The following AKAP13 variants were observed in gnomAD, a reference collection of about 807,000 sequenced individuals.
AKAP13 encodes A-kinase anchor protein 13.
A neutral mutation model predicts 264.5 loss-of-function variants in AKAP13; 80 were observed. That is an observed-to-expected ratio of 0.30 (90% CI 0.25 to 0.36). The LOEUF is 0.36. Ranked by LOEUF, AKAP13 falls within the 10% of genes least tolerant of loss-of-function variation. The pLI, the probability that AKAP13 is intolerant of heterozygous loss-of-function variation, is 1.00. For missense variants in AKAP13, 3,712 were observed against 3,435.2 expected (o/e 1.08, Z -2.01); for synonymous variants, 1,380 against 1,250.2 (o/e 1.10, Z -2.19).
chr15:85,648,041 T>C (rs538788007), intron 10 of AKAP13, among the ~76,000 whole-genome samples: 93 of 152,224 alleles, frequency 6.1e-4, no homozygotes, highest in African/African-American at 2.2e-3. Context: ...TTTTTAATAA[T>C]ATCAGAATTT....
chr15:85,458,458 C>T (rs1361876241), intron 1 of AKAP13, among the ~76,000 whole-genome samples: 3 of 133,192 alleles, frequency 2.3e-5, no homozygotes, highest in Admixed American at 8.2e-5. Context: ...TATCACTTTA[C>T]ATTGATTAAG....
intron 8 of AKAP13, among the ~76,000 whole-genome samples, chr15:85,633,535 CTTTTTTTT>C (rs56687591): frequency 2.0e-3 from 198 of 97,774 alleles, no homozygotes; most frequent in Non-Finnish European, 2.2e-3. Context: ...CTTTTTTTTT[CTTTTTTTT>C]TTTTTTTTTT....
rs746392895 is a variant in AKAP13, at chr15:85,721,943, A to G, written c.6253-48A>G. On this transcript the variant is annotated intron_variant, in intron 23 of 36. Coordinates refer to ENST00000394518, the MANE Select transcript of AKAP13 (RefSeq NM_007200.5). The stretch of plus-strand genomic sequence containing the variant: ...TGGAAACATTTTACAAAATGGTATT[A>G]TGAGTTTGGCGCCCCATGGCATAAC... 5 of 1,607,614 alleles carry G rather than the reference A, an allele frequency of 3.1e-6. No individual in the cohort carries two copies. In the African/African-American group the frequency reaches 4.0e-5, roughly 13 times the overall value.
intron 15 of AKAP13, 160 bp from the exon 16 acceptor site, chr15:85,684,581 A>G: frequency 4.5e-6 from 3 of 673,944 alleles, no homozygotes; most frequent in Non-Finnish European, 7.3e-6. Flanking sequence ...TTAGTGACGG[A>G]TCTAAGGAAA....
At position 85,749,315 on chromosome 15, in the gene AKAP13, C is replaced by T. The variant is rs1402892356; in HGVS notation, c.*4638C>T. The T allele has an allele frequency of 6.6e-6, 1 of 152,168 alleles. No individual in the cohort carries two copies. The highest frequency in any genetic ancestry group is 2.4e-5 in the African/African-American group (1 of 41,422). 9.4% of individuals were successfully genotyped at this position (152,168 alleles called of 1,614,324 possible). ...CCAGCTTCAGACCCTTGTAAAGTCT[C>T]CCTCAGCCCTTTCAAAAAATAATAA... On this transcript the variant is annotated 3_prime_UTR_variant, in exon 37 of 37. Coordinates refer to ENST00000394518, the MANE Select transcript of AKAP13 (RefSeq NM_007200.5).
intron 1 of AKAP13, among the ~76,000 whole-genome samples, chr15:85,438,918 C>T (rs1355633483): frequency 4.8e-4 from 70 of 146,334 alleles, no homozygotes; most frequent in African/African-American, 1.6e-3. Flanking sequence ...GCAAGGACTT[C>T]ATGTCCAAAA....
At chr15:85,637,884 G>GTTT (rs34885165) in intron 8 of AKAP13, among the ~76,000 whole-genome samples, 1 of 122,538 alleles carries the variant, frequency 8.2e-6, no homozygotes, top group Non-Finnish European at 1.7e-5. Flanking sequence ...TTATTTAGAA[G>GTTT]TTTTTTTTTT....
chr15:85,508,572 C>T (rs1490307888), intron 2 of AKAP13, among the ~76,000 whole-genome samples: 1 of 152,082 alleles, frequency 6.6e-6, no homozygotes, highest in Non-Finnish European at 1.5e-5. Context: ...TGATAGCTTC[C>T]TAAGTGGTCT....
chr15:85,523,989 T>C (rs1401376503), intron 3 of AKAP13, among the ~76,000 whole-genome samples: 3 of 152,204 alleles, frequency 2.0e-5, no homozygotes. Flanking sequence ...GAAAGTCCAG[T>C]CTTCGTGGAA....
Position 85,579,360 on chromosome 15 carries a change from G to A in AKAP13, c.1292G>A (p.Gly431Glu). The A allele has an allele frequency of 1.9e-6, 3 of 1,614,186 alleles. No homozygotes were observed. Among genetic ancestry groups the A allele is most frequent in the Non-Finnish European group, 2.5e-6 (3 of 1,180,034 alleles). The change falls in exon 7 of 37, where the codon GGA becomes GAA. Residue 431 changes from glycine (G) to glutamate (E), a missense_variant. Physicochemically the swap from Gly to Glu is moderately conservative, Grantham distance 98. Around this residue, in one of 3 missense-constraint regions of AKAP13, gnomAD observed 2,759 missense variants for 2,411.7 expected, o/e 1.14. Transcript: ENST00000394518. ...GAAGAAACTGGAACAAAATCTTCTG[G>A]AATGCCCACAGACCAGGAGTCCCTG... is the stretch of plus-strand genomic sequence containing the variant. ...RNEETGTKSS[G>E]MPTDQESLSS...
intron 5 of AKAP13, among the ~76,000 whole-genome samples, chr15:85,547,943 A>G (rs12902005): frequency 0.85 from 129,426 of 152,140 alleles, 55,743 homozygotes; most frequent in African/African-American, 0.89. Context: ...ACTAGTTAGT[A>G]ATGGAGAGAA....
At chr15:85,418,109 C>T (rs963486312) in intron 1 of AKAP13, among the ~76,000 whole-genome samples, 2 of 149,226 alleles carry the variant, frequency 1.3e-5, no homozygotes, top group African/African-American at 4.9e-5. Flanking sequence ...AGGGTCTGTC[C>T]CTGTTGCCCA....
chr15:85,576,731 T>C (rs1410185315), intron 6 of AKAP13, among the ~76,000 whole-genome samples: 4 of 152,218 alleles, frequency 2.6e-5, no homozygotes, highest in Non-Finnish European at 4.4e-5. Context: ...TTTAGAATTG[T>C]GTTTGTTCCA....
chr15:85,667,358 A>G (rs1289618734), intron 13 of AKAP13, among the ~76,000 whole-genome samples: 4 of 152,214 alleles, frequency 2.6e-5, no homozygotes, highest in Admixed American at 6.5e-5. Context: ...TTGTTCTGAT[A>G]CTTCAGAAGG....
rs79614368 is a variant in AKAP13 at position 85,388,325 on chromosome 15, G to A, written c.-12+7527G>A. On this transcript the variant is annotated intron_variant, in intron 1 of 36. Coordinates refer to ENST00000394518, the MANE Select transcript of AKAP13 (RefSeq NM_007200.5). The stretch of plus-strand genomic sequence containing the variant: ...CTCCCAAAGTGCTAGGATTACAGGC[G>A]TGAGCTACAGCGCTGGGCGTGATTT... 6.0e-3 allele frequency among the ~76,000 whole-genome samples: 915 copies of A among 152,170 alleles called. 10 individuals are homozygous for A. The highest frequency in any genetic ancestry group is 0.019 in the African/African-American group (781 of 41,492).
intron 8 of AKAP13, among the ~76,000 whole-genome samples, chr15:85,630,153 GT>G (rs1432981330): frequency 7.3e-6 from 1 of 137,358 alleles, no homozygotes; most frequent in Non-Finnish European, 1.5e-5. Context: ...TCTATTCTCT[GT>G]TTTTTAACAC....
At chr15:85,484,272 T>G (rs1459731090) in intron 1 of AKAP13, among the ~76,000 whole-genome samples, 3 of 146,900 alleles carry the variant, frequency 2.0e-5, no homozygotes, top group African/African-American at 7.7e-5. Flanking sequence ...GGCTTGAAAT[T>G]GACTTTGTTC....
chr15:85,483,632 C>CAAAAAAAAAAAAA lies in AKAP13; in HGVS notation c.-11-2071_-11-2059dup, dbSNP rs35648447. 1.0e-4 allele frequency among the ~76,000 whole-genome samples: 6 copies of CAAAAAAAAAAAAA among 57,998 alleles called. 1 individual carries two copies. The highest frequency in any genetic ancestry group is 1.9e-4 in the Non-Finnish European group (6 of 32,176). The allele number at this position is 57,998 out of a possible 152,430, so 38.0% of individuals were successfully genotyped here. On this transcript the variant is annotated intron_variant, in intron 1 of 36. Coordinates refer to ENST00000394518, the MANE Select transcript of AKAP13 (RefSeq NM_007200.5). ...TGGGCGACAGAGCGAGACTCCGTCT[C>CAAAAAAAAAAAAA]AAAAAAAAAAAAAAAAAAACACCAA...
chr15:85,612,593 G>T (rs1190815405), intron 8 of AKAP13, among the ~76,000 whole-genome samples: 3 of 151,996 alleles, frequency 2.0e-5, no homozygotes, highest in Non-Finnish European at 4.4e-5. Context: ...AGGCCGAGGC[G>T]GGTGGATCAT....
Sources: allele counts gnomAD v4.1 joint callset (sites outside exome capture counted in the v4.1 genomes callset), GRCh38; gene constraint gnomAD v4.1.1; regional missense constraint gnomAD v4.1.1; transcripts MANE v1.5; gene names NCBI Gene and HGNC (gene_info 2026-07-23, HGNC 2026-07-21).